PHTF2: variants seen among roughly 807,000 people sequenced by gnomAD.
The protein encoded by PHTF2 is protein PHTF2.
In PHTF2, 60 loss-of-function variants were observed where a neutral mutation model predicts 101.2. The ratio of observed to expected loss-of-function variants is 0.59; its 90% CI spans 0.48 to 0.73. PHTF2 has a LOEUF of 0.73. Ranked by LOEUF, PHTF2 falls within the 30% of genes least tolerant of loss-of-function variation. The pLI, the probability that PHTF2 is intolerant of heterozygous loss-of-function variation, is 0.00. For missense variants in PHTF2, 747 were observed against 908.7 expected (o/e 0.82, Z 2.29); for synonymous variants, 311 against 307.3 (o/e 1.01, Z -0.13).
At chr7:77,887,682 A>AT (rs1445696148) in intron 3 of PHTF2, among the ~76,000 whole-genome samples, 1 of 152,184 alleles carries the variant, frequency 6.6e-6, no homozygotes, top group Non-Finnish European at 1.5e-5. Flanking sequence ...TTGGTATAGG[A>AT]TTGCCAGACA....
intron 1 of PHTF2, among the ~76,000 whole-genome samples, chr7:77,808,467 G>A (rs1793162838): frequency 6.6e-6 from 1 of 152,078 alleles, no homozygotes; most frequent in Non-Finnish European, 1.5e-5. Flanking sequence ...TTATTTATAT[G>A]CCTGCTAATT....
At chr7:77,871,116 G>A (rs1249887451) in intron 3 of PHTF2, among the ~76,000 whole-genome samples, 1 of 151,888 alleles carries the variant, frequency 6.6e-6, no homozygotes, top group East Asian at 1.9e-4. Context: ...AAGCACCTCA[G>A]CAAGTCATGG....
chr7:77,863,038 A>G (rs1004110217), intron 3 of PHTF2, among the ~76,000 whole-genome samples: 1 of 152,224 alleles, frequency 6.6e-6, no homozygotes, highest in Non-Finnish European at 1.5e-5. Context: ...GGATTGATTC[A>G]CAGAGAATAA....
chr7:77,865,512 A>T (rs1797986723), intron 3 of PHTF2, among the ~76,000 whole-genome samples: 1 of 152,172 alleles, frequency 6.6e-6, no homozygotes, highest in African/African-American at 2.4e-5. Flanking sequence ...GATGTGAGCC[A>T]TGTCACCCAG....
chr7:77,951,519 A>G (rs959186214), intron 17 of PHTF2, 98 bp from the exon 17 acceptor site: 9 of 569,492 alleles, frequency 1.6e-5, no homozygotes, highest in African/African-American at 7.8e-5. Flanking sequence ...AAAATCACCT[A>G]TAATCTCAAT....
In PHTF2 at chr7:77,924,107, C is replaced by T. The variant is rs1803734985; in HGVS notation, c.1119+1329C>T. 3.1e-6 allele frequency: 3 copies of T among 958,774 alleles called. No homozygotes were observed. In the South Asian group the frequency reaches 1.4e-4, roughly 46 times the overall value. The allele number at this position is 958,774 out of a possible 1,614,324, so 59.4% of individuals were successfully genotyped here. On this transcript the variant is annotated intron_variant, in intron 11 of 19. Coordinates refer to ENST00000416283, the Ensembl canonical transcript of PHTF2. ...CATTCAGTTCTCAAAAATTTTTACT[C>T]TTAAACCAGCTTTAAAGGGCGTTTC...
At chr7:77,922,165 G>T (rs848485) in intron 10 of PHTF2, among the ~76,000 whole-genome samples, 63,654 of 151,376 alleles carry the variant, frequency 0.42, 15,185 homozygotes, top group East Asian at 0.68. Context: ...TAGGAGTACA[G>T]GTGTGCACTG....
intron 6 of PHTF2, 103 bp from the exon 6 acceptor site, chr7:77,901,658 TA>T (rs1801405679): frequency 7.6e-6 from 4 of 524,048 alleles, no homozygotes; most frequent in Middle Eastern, 5.4e-4. Context: ...TAATACAGAA[TA>T]AAATTATGTG....
intron 16 of PHTF2, among the ~76,000 whole-genome samples, chr7:77,948,769 G>C (rs548538708): frequency 2.0e-5 from 3 of 152,290 alleles, no homozygotes; most frequent in African/African-American, 7.2e-5. Context: ...CAGGTATTAG[G>C]AAGTTAGATA....
rs570917332 is a variant in PHTF2 at position 77,856,605 on chromosome 7, C to T, written c.147+1771C>T. ...TCCTAGGCTCGAAGTCCTGGGATTACAGGTGTGAGCTACCATACCTGGCTT... is the reference window on the plus strand; with the variant it reads ...TCCTAGGCTCGAAGTCCTGGGATTATAGGTGTGAGCTACCATACCTGGCTT... On this transcript the variant is annotated intron_variant, in intron 3 of 19. Transcript: ENST00000416283. 5.5e-4 allele frequency among the ~76,000 whole-genome samples: 84 copies of T among 152,268 alleles called. No homozygotes were observed. The South Asian group carries it at 0.016, about 29-fold the overall frequency.
chr7:77,918,495 C>A (rs1013827175), intron 9 of PHTF2, among the ~76,000 whole-genome samples: 1 of 152,184 alleles, frequency 6.6e-6, no homozygotes, highest in East Asian at 1.9e-4. Context: ...TTTATAAATA[C>A]CTTTCCAGTA....
intron 1 of PHTF2, among the ~76,000 whole-genome samples, chr7:77,821,762 C>G (rs1295353767): frequency 6.6e-6 from 1 of 152,158 alleles, no homozygotes; most frequent in African/African-American, 2.4e-5. Flanking sequence ...GGCTGCTTGG[C>G]TGGCTCAGGG....
In PHTF2 at chr7:77,852,879, G is replaced by A. The variant is rs925391062; in HGVS notation, c.46-1854G>A. ...TATTAAAGGATAAAAGTTTTTTTCC[G>A]TCAGCACTTTAAATATGTCATGCCA... On this transcript the variant is annotated intron_variant, in intron 2 of 19. Coordinates refer to ENST00000416283, the Ensembl canonical transcript of PHTF2. Among the ~76,000 whole-genome samples the A allele has an allele frequency of 8.5e-5, 13 of 152,086 alleles. 1 individual carries two copies. Among genetic ancestry groups the A allele is most frequent in the Admixed American group, 3.3e-4 (5 of 15,278 alleles).
At chr7:77,909,169 CT>C (rs200836381) in intron 8 of PHTF2, 48,486 of 311,396 alleles carry the variant, frequency 0.16, 1 homozygote, top group Middle Eastern at 0.22. Flanking sequence ...GTTTTTGTTT[CT>C]TTTTTTTTTT....
intron 12 of PHTF2, among the ~76,000 whole-genome samples, chr7:77,933,711 GTTTT>G (rs372397795): frequency 9.2e-6 from 1 of 108,312 alleles, no homozygotes; most frequent in African/African-American, 3.2e-5. Context: ...GGGACCATGT[GTTTT>G]TTTTTTTTTT....
chr7:77,923,246 CT>C, intron 11 of PHTF2: 1 of 869,868 alleles, frequency 1.1e-6, no homozygotes, highest in Non-Finnish European at 1.4e-6. Flanking sequence ...TCTCTAAACC[CT>C]TTTCAACTAT....
rs563991604 is a variant in PHTF2 at position 77,953,927 on chromosome 7, T to C, written c.2337+33T>C. ...GTTGCAAGTACTTTTTATTTCTTAG[T>C]TTCCTGTTGCATTTTTGTTGCGCCC... On this transcript the variant is annotated intron_variant, in intron 19 of 19. Coordinates refer to ENST00000416283, the Ensembl canonical transcript of PHTF2. 34 of 1,605,816 alleles carry C rather than the reference T, an allele frequency of 2.1e-5. No homozygotes were observed. In the Admixed American group the frequency reaches 4.7e-4, roughly 22 times the overall value.
At chr7:77,799,842 A>G (rs1427207736) in intron 1 of PHTF2, among the ~76,000 whole-genome samples, 1 of 152,224 alleles carries the variant, frequency 6.6e-6, no homozygotes, top group African/African-American at 2.4e-5. Context: ...TTACATGCCA[A>G]GTAATTTTGA....
At chr7:77,890,342 A>G (rs1204320551) in intron 3 of PHTF2, among the ~76,000 whole-genome samples, 2 of 152,136 alleles carry the variant, frequency 1.3e-5, no homozygotes, top group African/African-American at 2.4e-5. Context: ...AAGGATTGAC[A>G]TCCATTTCTG....
Sources: gnomAD v4.1 joint callset for allele counts (sites outside exome capture counted in the v4.1 genomes callset) on GRCh38, gnomAD v4.1.1 for gene constraint, MANE v1.5 for transcripts, NCBI Gene and HGNC (gene_info 2026-07-23, HGNC 2026-07-21) for gene names.